Variants in DNAH6 observed in about 807,000 individuals in gnomAD.
DNAH6 encodes axonemal beta dynein heavy chain 6.
In DNAH6, 340 loss-of-function variants were observed where a neutral mutation model predicts 491.4. That is an observed-to-expected ratio of 0.69 (90% CI 0.63 to 0.76). DNAH6 has a LOEUF of 0.76. DNAH6 is among the 30% of genes least tolerant of loss of function. DNAH6 has a pLI of 0.00. For synonymous variants in DNAH6, 1,603 were observed against 1,686.1 expected (o/e 0.95, Z 1.21); for missense variants, 4,443 against 4,972.2 (o/e 0.89, Z 3.20).
chr2:84,470,891 GC>G, the DNAH6 span, among the ~76,000 whole-genome samples: 1 of 152,150 alleles, frequency 6.6e-6, no homozygotes, highest in African/African-American at 2.4e-5. Flanking sequence ...GGCTGCAAAG[GC>G]CCCGAGCTCT....
At chr2:84,477,605 G>A in the DNAH6 span, among the ~76,000 whole-genome samples, 1 of 152,102 alleles carries the variant, frequency 6.6e-6, no homozygotes, top group Non-Finnish European at 1.5e-5. Flanking sequence ...ATCCTTTACT[G>A]ATCATGGACA....
chr2:84,471,181 C>T, the DNAH6 span, among the ~76,000 whole-genome samples: 3 of 152,142 alleles, frequency 2.0e-5, no homozygotes, highest in East Asian at 5.8e-4. Context: ...AACATGCTCC[C>T]CTTCTCTTTT....
chr2:84,694,379 C>T lies in DNAH6; in HGVS notation c.7423C>T (p.Arg2475Trp), dbSNP rs760560067. The change falls in exon 46 of 77, where the codon CGG becomes TGG. Residue 2475 changes from arginine (R) to tryptophan (W), a missense_variant. By Grantham distance (101) the Arg-to-Trp change is moderately radical. Transcript: ENST00000389394. Reference protein sequence around the residue: ...GYKCLQIELSRGYNYDSFHED... With the variant: ...GYKCLQIELSWGYNYDSFHED... ...CAAATGTTTGCAGATTGAACTCAGC[C>T]GGGGATATAATTATGATAGTTTTCA... 8.4e-6 allele frequency: 13 copies of T among 1,552,174 alleles called. No homozygotes were observed. The highest frequency in any genetic ancestry group is 3.6e-5 in the South Asian group (3 of 84,062).
intron 68 of DNAH6, among the ~76,000 whole-genome samples, chr2:84,791,247 A>T (rs1183668330): frequency 6.6e-6 from 1 of 152,086 alleles, no homozygotes; most frequent in Admixed American, 6.5e-5. Context: ...TTGTACACAA[A>T]TGTTCATAAC....
the DNAH6 span, among the ~76,000 whole-genome samples, chr2:84,509,443 CCCTT>C: frequency 2.6e-5 from 4 of 152,172 alleles, no homozygotes; most frequent in Non-Finnish European, 5.9e-5. Context: ...CTTCCTCCAT[CCCTT>C]TATTTTGAAC....
intron 2 of DNAH6, among the ~76,000 whole-genome samples, chr2:84,522,319 A>T (rs1676230123): frequency 6.6e-6 from 1 of 152,096 alleles, no homozygotes. Flanking sequence ...TTGGTACATT[A>T]ATTTTTGTAT....
At chr2:84,625,766 T>C (rs987244101) in intron 29 of DNAH6, among the ~76,000 whole-genome samples, 4 of 152,220 alleles carry the variant, frequency 2.6e-5, no homozygotes, top group Admixed American at 6.5e-5. Flanking sequence ...ATTATGCTAA[T>C]ATTTGGCATA....
intron 4 of DNAH6, among the ~76,000 whole-genome samples, chr2:84,539,443 G>T (rs997477201): frequency 6.6e-6 from 1 of 152,092 alleles, no homozygotes; most frequent in African/African-American, 2.4e-5. Flanking sequence ...AGCCTTAGCT[G>T]CTCATTAGAA....
intron 37 of DNAH6, among the ~76,000 whole-genome samples, chr2:84,662,147 G>A (rs997588233): frequency 2.0e-5 from 3 of 152,084 alleles, no homozygotes; most frequent in Non-Finnish European, 4.4e-5. Flanking sequence ...GTGAATTGAG[G>A]AGGTTCCAAG....
rs1326366096 is a variant in DNAH6 at position 84,658,310 on chromosome 2, G to A, written c.5776G>A (p.Glu1926Lys). The part of the protein sequence containing the change: ...ISKKLTEETQ[E>K]YILNLFQRYV... ...TTTTCAGCTGACTGAGGAAACCCAA[G>A]AATATATATTGAATCTTTTCCAACG... Residue 1926 changes from glutamate (E) to lysine (K), a missense_variant, in exon 36 of 77, where the codon GAA becomes AAA. By Grantham distance (56) the Glu-to-Lys change is moderately conservative (BLOSUM62 1). This residue lies in a region of DNAH6 where 2,977 missense variants were observed against 3,296.6 expected (regional missense o/e 0.90). Transcript: ENST00000389394. 1 of 1,534,084 alleles carries A rather than the reference G, an allele frequency of 6.5e-7. No individual in the cohort carries two copies. The highest frequency in any genetic ancestry group is 2.5e-5 in the East Asian group (1 of 40,388).
In DNAH6 at chr2:84,622,427, T is replaced by C. The variant is rs572557748; in HGVS notation, c.4071+876T>C. On this transcript the variant is annotated intron_variant, in intron 26 of 76. Transcript: ENST00000389394. ...ACACAGCTAATTATTTTTATTATTATTATTTTTTGTAGAGACAGGGTCTCA... is the reference window on the plus strand; with the variant it reads ...ACACAGCTAATTATTTTTATTATTACTATTTTTTGTAGAGACAGGGTCTCA... Among the ~76,000 whole-genome samples, 3 of 152,228 alleles carry C rather than the reference T, an allele frequency of 2.0e-5. No individual in the cohort carries two copies. The East Asian group carries it at 5.8e-4, about 29-fold the overall frequency.
chr2:84,553,163 G>A (rs1199086648), intron 10 of DNAH6, 129 bp downstream of exon 10: 1 of 624,100 alleles, frequency 1.6e-6, no homozygotes, highest in Non-Finnish European at 2.9e-6. Context: ...AAGAGAGAAA[G>A]CATTGTTTTG....
At chr2:84,784,584 C>G in intron 65 of DNAH6, 138 bp from the exon 66 acceptor site, 1 of 615,344 alleles carries the variant, frequency 1.6e-6, no homozygotes, top group Non-Finnish European at 2.8e-6. Flanking sequence ...TTACACTATA[C>G]TTGTAATAGA....
the DNAH6 span, among the ~76,000 whole-genome samples, chr2:84,463,478 C>T: frequency 6.6e-6 from 1 of 152,304 alleles, no homozygotes; most frequent in South Asian, 2.1e-4. Context: ...GAGAAATCTT[C>T]CTTCTAGTCT....
At position 84,819,466 on chromosome 2, in the gene DNAH6, CA is replaced by C; in HGVS notation, c.*62del. 8.7e-7 allele frequency: 1 copy of C among 1,144,768 alleles called. No individual in the cohort carries two copies. The highest frequency in any genetic ancestry group is 1.3e-6 in the Non-Finnish European group (1 of 798,366). The allele number at this position is 1,144,768 out of a possible 1,614,324, so 70.9% of individuals were successfully genotyped here. A position where few individuals can be genotyped will look rare whatever the true frequency, so the allele number is the denominator to read the frequency against. ...GGCCAGAGATCTTTCCTAATGGGAG[CA>C]AAAGGTTTGAATAATTTATATGTGA... On this transcript the variant is annotated 3_prime_UTR_variant, in exon 77 of 77. Coordinates refer to ENST00000389394, the MANE Select transcript of DNAH6 (RefSeq NM_001370.2).
chr2:84,752,733 A>G (rs921552078), intron 63 of DNAH6, among the ~76,000 whole-genome samples: 4 of 151,970 alleles, frequency 2.6e-5, no homozygotes, highest in African/African-American at 4.8e-5. Flanking sequence ...TGTTGTATCA[A>G]GTGTCTGTAC....
In DNAH6 at chr2:84,583,045, CGGGTAA is replaced by C. The variant is rs548961854; in HGVS notation, c.2230-951_2230-946del. ...CCTCTATAACCATGTGGCAGAGTTGCGGGTAAGGAGCATTCCCAAAACTGGGGTATC... is the reference window on the plus strand; with the variant it reads ...CCTCTATAACCATGTGGCAGAGTTGCGGAGCATTCCCAAAACTGGGGTATC... On this transcript the variant is annotated intron_variant, in intron 14 of 76. Transcript: ENST00000389394. 3.0e-4 allele frequency among the ~76,000 whole-genome samples: 46 copies of C among 152,254 alleles called. No individual in the cohort carries two copies. The South Asian group carries it at 9.3e-3, about 31-fold the overall frequency.
Position 84,552,916 on chromosome 2 carries a change from A to G in DNAH6, c.1486-2A>G, listed in dbSNP as rs1422809941. ...ATAACACTGTACATATATTCATTTC[A>G]GGGGACCCTTATGGTGGAAAAGCAA... On this transcript the variant is annotated splice_acceptor_variant, in intron 9 of 76. Transcript: ENST00000389394. LOFTEE classifies it high-confidence loss of function. The G allele has an allele frequency of 1.3e-6, 2 of 1,587,958 alleles. No homozygotes were observed. Among genetic ancestry groups the G allele is most frequent in the Admixed American group, 1.7e-5 (1 of 58,754 alleles).
the DNAH6 span, among the ~76,000 whole-genome samples, chr2:84,483,844 G>A: frequency 2.0e-5 from 3 of 152,058 alleles, no homozygotes; most frequent in Non-Finnish European, 4.4e-5. Context: ...CAGCATCTTC[G>A]TGTGTGACCT....
Sources: gnomAD v4.1 joint callset for allele counts (sites outside exome capture counted in the v4.1 genomes callset) on GRCh38, gnomAD v4.1.1 for gene constraint, gnomAD v4.1.1 regional missense constraint, MANE v1.5 for transcripts, NCBI Gene and HGNC (gene_info 2026-07-23, HGNC 2026-07-21) for gene names.